The following SPHKAP variants were observed in gnomAD, a reference collection of about 807,000 sequenced individuals.
SPHKAP encodes A-kinase anchor protein SPHKAP.
A neutral mutation model predicts 137.5 loss-of-function variants in SPHKAP; 67 were observed. The ratio of observed to expected loss-of-function variants is 0.49; its 90% CI spans 0.40 to 0.60. SPHKAP has a LOEUF of 0.60. Ranked by LOEUF, SPHKAP falls within the 20% of genes least tolerant of loss-of-function variation. The pLI, the probability that SPHKAP is intolerant of heterozygous loss-of-function variation, is 0.00. For missense variants in SPHKAP, 2,097 were observed against 2,069.3 expected, an observed-to-expected ratio of 1.01 and a Z score of -0.26; for synonymous variants, 813 against 785.3, an observed-to-expected ratio of 1.04 and a Z score of -0.59.
At chr2:228,162,693 TTTTA>T in intron 1 of SPHKAP, among the ~76,000 whole-genome samples, 1 of 152,150 alleles carries the variant, frequency 6.6e-6, no homozygotes, top group East Asian at 1.9e-4. Context: ...AAGCCCTTCT[TTTTA>T]TTTATTTATT....
intron 3 of SPHKAP, among the ~76,000 whole-genome samples, chr2:228,062,070 C>A (rs1027335475): frequency 1.3e-5 from 2 of 151,998 alleles, no homozygotes; most frequent in African/African-American, 4.8e-5. Flanking sequence ...TACAAAGAAA[C>A]CCAGATTTTT....
At chr2:227,983,099 A>AT (rs1219835577) in intron 11 of SPHKAP, among the ~76,000 whole-genome samples, 1 of 152,034 alleles carries the variant, frequency 6.6e-6, no homozygotes, top group African/African-American at 2.4e-5. Flanking sequence ...TTTTTCTAGG[A>AT]TTTTTTAAAA....
chr2:228,079,103 G>A (rs1250758802), intron 3 of SPHKAP, among the ~76,000 whole-genome samples: 1 of 152,200 alleles, frequency 6.6e-6, no homozygotes, highest in Non-Finnish European at 1.5e-5. Context: ...GTCAAGGGGA[G>A]GTGGGGCTTA....
Position 228,019,962 on chromosome 2 carries a change from TCTGCAAGG to T in SPHKAP, c.884_891del (p.Ala295GlufsTer32). 1 of 1,614,232 alleles carries T rather than the reference TCTGCAAGG, an allele frequency of 6.2e-7. No individual in the cohort carries two copies. Among genetic ancestry groups the T allele is most frequent in the Non-Finnish European group, 8.5e-7 (1 of 1,180,040 alleles). ...GATGGCTTGGCTGAGGGATCTAGACTCTGCAAGGCTGTGTTCTTTGTTAGGTTTTCTGG... is the reference window on the plus strand; with the variant it reads ...GATGGCTTGGCTGAGGGATCTAGACTCTGTGTTCTTTGTTAGGTTTTCTGG... On this transcript the variant is annotated frameshift_variant, in exon 7 of 12. Transcript: ENST00000392056. LOFTEE classifies it high-confidence loss of function.
chr2:228,092,133 G>GTA (rs147836274), intron 3 of SPHKAP, among the ~76,000 whole-genome samples: 137,442 of 140,808 alleles, frequency 0.98, 67,111 homozygotes, highest in East Asian at 0.98. Context: ...ATACGTATAT[G>GTA]TGTGTACACA....
At chr2:228,135,800 T>C (rs755149656) in intron 1 of SPHKAP, among the ~76,000 whole-genome samples, 1 of 152,224 alleles carries the variant, frequency 6.6e-6, no homozygotes, top group East Asian at 1.9e-4. Context: ...CAAAAATTAA[T>C]GCATTACTAG....
In SPHKAP at chr2:228,108,944, A is replaced by G. The variant is rs7561798; in HGVS notation, c.139-5T>C. On this transcript the variant is annotated splice_polypyrimidine_tract_variant and splice_region_variant and intron_variant, in intron 2 of 11. Transcript: ENST00000392056. ...CAGGCTATTGCTGCGAAGAACCTGGAGGAACCCAGAAAAACTCAGTTCTTA... is the reference window on the plus strand; with the variant it reads ...CAGGCTATTGCTGCGAAGAACCTGGGGGAACCCAGAAAAACTCAGTTCTTA... 762,506 of 1,578,954 alleles carry G rather than the reference A, an allele frequency of 0.48. 188,227 individuals carry two copies. Among genetic ancestry groups the G allele is most frequent in the East Asian group, 0.7 (29,550 of 42,278 alleles).
intron 2 of SPHKAP, among the ~76,000 whole-genome samples, chr2:228,117,716 G>A (rs1219014194): frequency 2.0e-5 from 3 of 151,882 alleles, no homozygotes; most frequent in East Asian, 1.9e-4. Context: ...ACCAGCAGCC[G>A]AATCAAGATA....
chr2:228,118,828 G>A (rs1177499695), intron 2 of SPHKAP, among the ~76,000 whole-genome samples: 1 of 151,968 alleles, frequency 6.6e-6, no homozygotes, highest in Non-Finnish European at 1.5e-5. Flanking sequence ...TCTGTACTAG[G>A]CACTGTTTAT....
At chr2:228,177,120 T>G (rs1700768507) in intron 1 of SPHKAP, among the ~76,000 whole-genome samples, 1 of 137,196 alleles carries the variant, frequency 7.3e-6, no homozygotes, top group African/African-American at 2.7e-5. Context: ...AAGGACCCAT[T>G]TACAAGATCA....
At position 228,019,934 on chromosome 2, in the gene SPHKAP, T is replaced by C. The variant is rs139197816; in HGVS notation, c.920A>G (p.Gln307Arg). ...QSLDPSAKPS[Q>R]WKREAVGNGR... is the part of the protein sequence containing the mutation. Reference sequence around the variant, plus strand: ...ATTCCCCACAGCTTCTCTTTTCCACTGTGATGGCTTGGCTGAGGGATCTAG... The same window carrying C: ...ATTCCCCACAGCTTCTCTTTTCCACCGTGATGGCTTGGCTGAGGGATCTAG... The change falls in exon 7 of 12, where the codon CAG becomes CGG. Residue 307 changes from glutamine (Q) to arginine (R), a missense_variant. Gln to Arg is a conservative substitution (Grantham distance 43). Coordinates refer to ENST00000392056, the MANE Select transcript of SPHKAP (RefSeq NM_001142644.2). 3 of 1,614,232 alleles carry C rather than the reference T, an allele frequency of 1.9e-6. No homozygotes were observed. The highest frequency in any genetic ancestry group is 2.5e-6 in the Non-Finnish European group (3 of 1,180,024).
At chr2:228,153,546 T>C (rs567470287) in intron 1 of SPHKAP, among the ~76,000 whole-genome samples, 2 of 152,338 alleles carry the variant, frequency 1.3e-5, no homozygotes, top group East Asian at 3.9e-4. Context: ...TTATTATCTT[T>C]GGAATTCCAT....
chr2:228,003,169 T>A (rs911715079), intron 7 of SPHKAP, among the ~76,000 whole-genome samples: 3 of 152,222 alleles, frequency 2.0e-5, no homozygotes, highest in Non-Finnish European at 4.4e-5. Flanking sequence ...GTATGGCTAT[T>A]TTCACGACAT....
At chr2:228,004,020 C>T (rs1037092678) in intron 7 of SPHKAP, among the ~76,000 whole-genome samples, 2 of 152,164 alleles carry the variant, frequency 1.3e-5, no homozygotes, top group African/African-American at 2.4e-5. Flanking sequence ...GTCTAAAATT[C>T]TCTTTTTTCA....
At chr2:228,007,442 T>C (rs928787943) in intron 7 of SPHKAP, among the ~76,000 whole-genome samples, 1 of 152,126 alleles carries the variant, frequency 6.6e-6, no homozygotes, top group African/African-American at 2.4e-5. Context: ...GCTTTTTACC[T>C]ATTGACTAGA....
intron 3 of SPHKAP, among the ~76,000 whole-genome samples, chr2:228,099,894 G>A (rs2106337494): frequency 6.6e-6 from 1 of 151,746 alleles, no homozygotes; most frequent in Non-Finnish European, 1.5e-5. Context: ...CTGTGGCCCA[G>A]GCGGGAGTGC....
chr2:228,154,512 C>CTCTATATATATATATATA (rs1393941364), intron 1 of SPHKAP, among the ~76,000 whole-genome samples: 34 of 22,066 alleles, frequency 1.5e-3, no homozygotes, highest in East Asian at 8.3e-3. Flanking sequence ...CTCTCTCTCT[C>CTCTATATATATATATATA]TATATATATA....
intron 1 of SPHKAP, among the ~76,000 whole-genome samples, chr2:228,176,761 C>A (rs1486935415): frequency 6.6e-6 from 1 of 152,210 alleles, no homozygotes; most frequent in Non-Finnish European, 1.5e-5. Context: ...ATCCCAGCTA[C>A]TTGGGAGGCT....
At chr2:228,062,309 C>T (rs184749871) in intron 3 of SPHKAP, among the ~76,000 whole-genome samples, 18 of 151,852 alleles carry the variant, frequency 1.2e-4, no homozygotes, top group Admixed American at 9.8e-4. Flanking sequence ...GTTTTTAGTA[C>T]AGACAGTGTT....
Sources: allele counts gnomAD v4.1 joint callset (sites outside exome capture counted in the v4.1 genomes callset), GRCh38; gene constraint gnomAD v4.1.1; transcripts MANE v1.5; gene names NCBI Gene and HGNC (gene_info 2026-07-23, HGNC 2026-07-21).